Variants in TAFA1 observed in about 807,000 individuals in gnomAD.
The protein encoded by TAFA1 is TAFA chemokine like family member 1.
A neutral mutation model predicts 18.5 loss-of-function variants in TAFA1; 4 were observed. The ratio of observed to expected loss-of-function variants is 0.22; its 90% CI spans 0.11 to 0.49. The LOEUF is 0.49. TAFA1 is among the 20% of genes least tolerant of loss of function. The pLI is 0.98. For missense variants in TAFA1, 147 were observed against 169.0 expected (o/e 0.87, Z 0.72); for synonymous variants, 56 against 55.2 (o/e 1.01, Z -0.06).
intron 3 of TAFA1, among the ~76,000 whole-genome samples, chr3:68,426,080 A>G (rs945594880): frequency 2.0e-5 from 3 of 151,556 alleles, no homozygotes; most frequent in African/African-American, 7.3e-5. Flanking sequence ...TAGAAAAAAT[A>G]TACTCTTTAA....
intron 2 of TAFA1, among the ~76,000 whole-genome samples, chr3:68,336,871 G>A (rs1413818232): frequency 6.6e-6 from 1 of 152,114 alleles, no homozygotes; most frequent in Non-Finnish European, 1.5e-5. Context: ...TTACAGGCAT[G>A]CACTACCATG....
At chr3:68,397,885 T>C (rs2070414928) in intron 2 of TAFA1, among the ~76,000 whole-genome samples, 1 of 152,200 alleles carries the variant, frequency 6.6e-6, no homozygotes, top group South Asian at 2.1e-4. Context: ...ATTAGATCAA[T>C]TTGTCAATTT....
At chr3:68,526,657 T>C (rs956083660) in intron 3 of TAFA1, among the ~76,000 whole-genome samples, 18 of 152,186 alleles carry the variant, frequency 1.2e-4, no homozygotes, top group African/African-American at 4.1e-4. Context: ...TAGAGTCTAA[T>C]AGTACTCTCA....
At chr3:68,022,481 G>T (rs1434254205) in intron 2 of TAFA1, among the ~76,000 whole-genome samples, 1 of 151,956 alleles carries the variant, frequency 6.6e-6, no homozygotes, top group Non-Finnish European at 1.5e-5. Context: ...AGGGGCTGTT[G>T]GTGGGGGGAA....
intron 2 of TAFA1, among the ~76,000 whole-genome samples, chr3:68,270,826 GT>G (rs2067651581): frequency 6.6e-6 from 1 of 152,152 alleles, no homozygotes. Context: ...TCAATTTAAA[GT>G]TTATTAATGA....
At chr3:68,472,210 A>G (rs1455253588) in intron 3 of TAFA1, among the ~76,000 whole-genome samples, 3 of 152,136 alleles carry the variant, frequency 2.0e-5, no homozygotes, top group Non-Finnish European at 4.4e-5. Context: ...TTTTCCCCAT[A>G]CTGTTCTCAT....
At chr3:68,321,845 G>A (rs2068701306) in intron 2 of TAFA1, among the ~76,000 whole-genome samples, 1 of 152,174 alleles carries the variant, frequency 6.6e-6, no homozygotes, top group Admixed American at 6.5e-5. Flanking sequence ...ACAGCCAACT[G>A]AAATCTCCAA....
At position 68,270,009 on chromosome 3, in the gene TAFA1, A is replaced by C. The variant is rs143203203; in HGVS notation, c.119-147271A>C. On this transcript the variant is annotated intron_variant, in intron 2 of 4. Transcript: ENST00000478136. Reference sequence around the variant, plus strand: ...AAACAATTTCTATGCCTACCTTGGAAAGTCTGTGCCCCTTTCTTCAGGCTA... The same window carrying C: ...AAACAATTTCTATGCCTACCTTGGACAGTCTGTGCCCCTTTCTTCAGGCTA... 3.2e-3 allele frequency among the ~76,000 whole-genome samples: 494 copies of C among 152,300 alleles called. 2 individuals are homozygous for C. The highest frequency in any genetic ancestry group is 0.011 in the African/African-American group (461 of 41,566).
chr3:68,405,578 C>A (rs1421163203), intron 2 of TAFA1, among the ~76,000 whole-genome samples: 1 of 149,420 alleles, frequency 6.7e-6, no homozygotes, highest in African/African-American at 2.5e-5. Context: ...CATGTTCTTG[C>A]AGTTCCAGCT....
intron 2 of TAFA1, among the ~76,000 whole-genome samples, chr3:68,246,312 C>T (rs769809921): frequency 3.3e-5 from 5 of 151,910 alleles, no homozygotes; most frequent in Non-Finnish European, 5.9e-5. Flanking sequence ...AGAAGGTGGC[C>T]GGGCGCGGTG....
intron 2 of TAFA1, among the ~76,000 whole-genome samples, chr3:68,055,679 A>G (rs13085443): frequency 0.51 from 77,531 of 151,612 alleles, 20,178 homozygotes; most frequent in South Asian, 0.64. Flanking sequence ...AATAAGATGT[A>G]GATAACTTCT....
Position 68,242,312 on chromosome 3 carries a change from C to T in TAFA1, c.119-174968C>T, listed in dbSNP as rs1211826179. On this transcript the variant is annotated intron_variant, in intron 2 of 4. Transcript: ENST00000478136. Reference sequence around the variant, plus strand: ...TACACCAGAACTAATAAAGTACTCACTGATCCTTTTAAAAGTTTGCTCTGT... The same window carrying T: ...TACACCAGAACTAATAAAGTACTCATTGATCCTTTTAAAAGTTTGCTCTGT... Among the ~76,000 whole-genome samples, 5 of 152,172 alleles carry T rather than the reference C, an allele frequency of 3.3e-5. No individual in the cohort carries two copies. The East Asian group carries it at 9.6e-4, about 29-fold the overall frequency.
At chr3:68,022,822 TTATATATAATATATATATATTA>T (rs1237425183) in intron 2 of TAFA1, among the ~76,000 whole-genome samples, 5 of 73,534 alleles carry the variant, frequency 6.8e-5, no homozygotes, top group African/African-American at 1.2e-4. Flanking sequence ...TATATATATA[TTATATATAATATATATATATTA>T]TATATATATA....
At chr3:68,379,524 T>C (rs1471154594) in intron 2 of TAFA1, among the ~76,000 whole-genome samples, 1 of 152,174 alleles carries the variant, frequency 6.6e-6, no homozygotes, top group Non-Finnish European at 1.5e-5. Flanking sequence ...AACTTTTGCT[T>C]TTGTCGTAAT....
intron 2 of TAFA1, among the ~76,000 whole-genome samples, chr3:68,399,705 T>C (rs2070451758): frequency 6.6e-6 from 1 of 152,206 alleles, no homozygotes; most frequent in South Asian, 2.1e-4. Flanking sequence ...CTAGGCACTG[T>C]GCTAAATGCT....
At chr3:68,167,943 C>A (rs545361132) in intron 2 of TAFA1, among the ~76,000 whole-genome samples, 1 of 152,126 alleles carries the variant, frequency 6.6e-6, no homozygotes, top group South Asian at 2.1e-4. Flanking sequence ...GGAGAACCCA[C>A]GTGTTTTTTT....
chr3:68,370,872 A>T (rs2069693024), intron 2 of TAFA1, among the ~76,000 whole-genome samples: 1 of 149,356 alleles, frequency 6.7e-6, no homozygotes, highest in African/African-American at 2.5e-5. Flanking sequence ...ATTAACTATG[A>T]TCATGTGGTT....
chr3:68,493,749 T>C (rs569998390), intron 3 of TAFA1, among the ~76,000 whole-genome samples: 2 of 152,308 alleles, frequency 1.3e-5, no homozygotes, highest in African/African-American at 4.8e-5. Flanking sequence ...TTCTAGACAA[T>C]GAATGATCAG....
intron 4 of TAFA1, among the ~76,000 whole-genome samples, chr3:68,544,261 C>T (rs1421458922): frequency 1.3e-5 from 2 of 152,038 alleles, no homozygotes; most frequent in African/African-American, 2.4e-5. Context: ...TCAGGAGTGA[C>T]ATCATTAATT....
Sources: allele counts gnomAD v4.1 joint callset (sites outside exome capture counted in the v4.1 genomes callset), GRCh38; gene constraint gnomAD v4.1.1; transcripts MANE v1.5; gene names NCBI Gene and HGNC (gene_info 2026-07-23, HGNC 2026-07-21).